The following FNDC1 variants were observed in gnomAD, a reference collection of about 807,000 sequenced individuals.
The protein encoded by FNDC1 is fibronectin type III domain-containing protein 1.
A neutral mutation model predicts 168.0 loss-of-function variants in FNDC1; 96 were observed. The observed-to-expected ratio is 0.57, with a 90% CI of 0.48 to 0.68. The LOEUF is 0.68. FNDC1 is among the 30% of genes least tolerant of loss of function. The probability of loss-of-function intolerance (pLI) is 0.00; values close to 1 mark genes in which losing one functional copy is unlikely to be tolerated. For synonymous variants in FNDC1, 1,099 were observed against 1,025.9 expected (o/e 1.07, Z -1.36); for missense variants, 2,587 against 2,482.1 (o/e 1.04, Z -0.90).
chr6:159,210,468 G>C (rs981579530), intron 4 of FNDC1, among the ~76,000 whole-genome samples: 5 of 152,168 alleles, frequency 3.3e-5, no homozygotes, highest in Non-Finnish European at 1.5e-5. Flanking sequence ...TTAACTAGCT[G>C]GGCCTAACCA....
At chr6:159,237,130 G>A (rs1583899737) in intron 12 of FNDC1, among the ~76,000 whole-genome samples, 1 of 152,198 alleles carries the variant, frequency 6.6e-6, no homozygotes, top group African/African-American at 2.4e-5. Flanking sequence ...GAAATTTATA[G>A]TAGGAAGAAT....
At chr6:159,213,815 G>A (rs372063201) in intron 4 of FNDC1, among the ~76,000 whole-genome samples, 1 of 152,192 alleles carries the variant, frequency 6.6e-6, no homozygotes, top group African/African-American at 2.4e-5. Flanking sequence ...CCAGTGACTG[G>A]TTGGGTAGCT....
Position 159,232,627 on chromosome 6 carries a change from C to A in FNDC1, c.2115C>A (p.Ala705=), listed in dbSNP as rs762177264. The change falls in exon 11 of 23, where the codon GCC becomes GCA. Residue 705 remains alanine, a synonymous_variant. Coordinates refer to ENST00000297267, the MANE Select transcript of FNDC1 (RefSeq NM_032532.3). The surrounding 1 kb of genome is among the most constrained non-coding windows in gnomAD (Gnocchi z 4.9). ...SPARRTPHSG[A]AEEDSSASAP... The stretch of plus-strand genomic sequence containing the variant: ...CCCGGAGGACCCCCCATTCAGGGGC[C>A]GCAGAGGAAGATTCCAGTGCCTCAG... The A allele has an allele frequency of 1.2e-6, 2 of 1,610,782 alleles. No homozygotes were observed. Among genetic ancestry groups the A allele is most frequent in the Admixed American group, 3.3e-5 (2 of 59,762 alleles).
chr6:159,234,883 C>A (rs1200748081), intron 11 of FNDC1, among the ~76,000 whole-genome samples: 1 of 152,250 alleles, frequency 6.6e-6, no homozygotes, highest in Non-Finnish European at 1.5e-5. Context: ...ATGCCCAACT[C>A]AGGTTCTTCT....
At chr6:159,210,839 G>A (rs1309483684) in intron 4 of FNDC1, among the ~76,000 whole-genome samples, 2 of 152,082 alleles carry the variant, frequency 1.3e-5, no homozygotes, top group African/African-American at 2.4e-5. Flanking sequence ...CACTGCTCCC[G>A]GACACACATT....
At position 159,261,150 on chromosome 6, in the gene FNDC1, A is replaced by T. The variant is rs751579319; in HGVS notation, c.5175-40A>T. 17 of 1,497,372 alleles carry T rather than the reference A, an allele frequency of 1.1e-5. No individual in the cohort carries two copies. In the South Asian group the frequency reaches 1.7e-4, roughly 15 times the overall value. The allele number at this position is 1,497,372 out of a possible 1,614,324, so 92.8% of individuals were successfully genotyped here. ...GTCTGTTTTGTTACACAGAAATCAA[A>T]TACATGTCTCTTTCAAAATATATCT... is the stretch of plus-strand genomic sequence containing the variant. On this transcript the variant is annotated intron_variant, in intron 18 of 22. Coordinates refer to ENST00000297267, the MANE Select transcript of FNDC1 (RefSeq NM_032532.3).
rs115808327 is a variant in FNDC1 at position 159,174,419 on chromosome 6, G to C, written c.109+4714G>C. 7.4e-3 allele frequency among the ~76,000 whole-genome samples: 1,128 copies of C among 152,372 alleles called. 9 individuals carry two copies. The highest frequency in any genetic ancestry group is 0.026 in the African/African-American group (1,092 of 41,586). ...CGTCTTCCTCCCTCGGCCCGGCCTG[G>C]GCAGCGCTTGCGCTCTGAGGCCCTT... On this transcript the variant is annotated intron_variant, in intron 1 of 22. Transcript: ENST00000297267.
At chr6:159,254,886 C>T (rs925697406) in intron 17 of FNDC1, among the ~76,000 whole-genome samples, 3 of 152,100 alleles carry the variant, frequency 2.0e-5, no homozygotes, top group Admixed American at 2.0e-4. Flanking sequence ...CTATATTCAA[C>T]TCATCATTAA....
intron 1 of FNDC1, among the ~76,000 whole-genome samples, chr6:159,175,300 C>T (rs886366443): frequency 6.6e-6 from 1 of 152,208 alleles, no homozygotes; most frequent in African/African-American, 2.4e-5. Flanking sequence ...AAGTCAGTAA[C>T]ATCCTCATCT....
chr6:159,232,748 G>A lies in FNDC1; in HGVS notation c.2236G>A (p.Asp746Asn), dbSNP rs1400567955. 3 of 1,613,942 alleles carry A rather than the reference G, an allele frequency of 1.9e-6. No homozygotes were observed. The highest frequency in any genetic ancestry group is 2.5e-6 in the Non-Finnish European group (3 of 1,179,882). Residue 746 changes from aspartate to asparagine, a missense_variant, in exon 11 of 23, where the codon GAT becomes AAT. Coordinates refer to ENST00000297267, the MANE Select transcript of FNDC1 (RefSeq NM_032532.3). This position sits in a 1 kb window ranked among gnomAD's most constrained non-coding sequence, Gnocchi z 4.9. ...LSSPLSKGGK[D>N]GEDAPATNSN... The stretch of plus-strand genomic sequence containing the variant: ...CTCTCCACTTTCCAAGGGCGGGAAG[G>A]ATGGTGAGGACGCCCCAGCCACCAA...
intron 5 of FNDC1, among the ~76,000 whole-genome samples, chr6:159,219,253 C>G (rs1782770558): frequency 6.6e-6 from 1 of 152,204 alleles, no homozygotes; most frequent in East Asian, 1.9e-4. Flanking sequence ...GTTGGCAAGG[C>G]TGGCCTCGAA....
chr6:159,223,563 G>A lies in FNDC1; in HGVS notation c.802G>A (p.Val268Ile), dbSNP rs201109407. Residue 268 changes from valine (V) to isoleucine (I), a missense_variant, in exon 7 of 23, where the codon GTC becomes ATC. Transcript: ENST00000297267. ...ATTGGATGTACCTGACGACATCAGC[G>A]TCCGGGTTATGTCATCTCAGTCTGT... ...DELDVPDDIS[V>I]RVMSSQSVLV... 76 of 1,613,610 alleles carry A rather than the reference G, an allele frequency of 4.7e-5. No homozygotes were observed. The highest frequency in any genetic ancestry group is 8.8e-5 in the South Asian group (8 of 91,018).
chr6:159,186,213 G>T (rs981480792), intron 1 of FNDC1, among the ~76,000 whole-genome samples: 1 of 151,916 alleles, frequency 6.6e-6, no homozygotes, highest in African/African-American at 2.4e-5. Flanking sequence ...GTTGGCGGGT[G>T]GTGGGGAAGG....
At position 159,169,612 on chromosome 6, in the gene FNDC1, G is replaced by C. The variant is rs940409585; in HGVS notation, c.16G>C (p.Gly6Arg). MAPEA[G>R]ATLRAPRRLS... is the part of the protein sequence containing the mutation. Reference sequence around the variant, plus strand: ...CGGGCTCTCGATGGCCCCCGAGGCCGGGGCGACCCTGCGCGCGCCGCGCCG... The same window carrying C: ...CGGGCTCTCGATGGCCCCCGAGGCCCGGGCGACCCTGCGCGCGCCGCGCCG... The change falls in exon 1 of 23, where the codon GGG (glycine) becomes CGG (arginine). Residue 6 changes from glycine to arginine, a missense_variant. Coordinates refer to ENST00000297267, the MANE Select transcript of FNDC1 (RefSeq NM_032532.3). This position sits in a 1 kb window ranked among gnomAD's most constrained non-coding sequence, Gnocchi z 6.8. 3.6e-5 allele frequency: 41 copies of C among 1,127,112 alleles called. No individual in the cohort carries two copies. The South Asian group carries it at 7.7e-4, about 21-fold the overall frequency. The allele number at this position is 1,127,112 out of a possible 1,614,324, so 69.8% of individuals were successfully genotyped here.
chr6:159,232,364 G>A lies in FNDC1; in HGVS notation c.1852G>A (p.Ala618Thr). The A allele has an allele frequency of 6.2e-7, 1 of 1,613,594 alleles. No individual in the cohort carries two copies. Among genetic ancestry groups the A allele is most frequent in the Non-Finnish European group, 8.5e-7 (1 of 1,179,720 alleles). Residue 618 changes from alanine (A) to threonine (T), a missense_variant, in exon 11 of 23, where the codon GCC (alanine) becomes ACC (threonine). Physicochemically the swap from Ala to Thr is moderately conservative, Grantham distance 58. Transcript: ENST00000297267. This position sits in a 1 kb window ranked among gnomAD's most constrained non-coding sequence, Gnocchi z 4.9. ...PRPGAPPSAS[A>T]SPAHHASTQG... The stretch of plus-strand genomic sequence containing the variant: ...CCCAGGGGCGCCCCCCTCGGCTTCG[G>A]CCTCTCCTGCCCACCACGCGTCCAC...
At chr6:159,220,212 C>T (rs868626374) in intron 5 of FNDC1, among the ~76,000 whole-genome samples, 5 of 152,256 alleles carry the variant, frequency 3.3e-5, no homozygotes, top group Middle Eastern at 6.8e-3. Flanking sequence ...ATAAACAGTC[C>T]CTCTGTGTGA....
rs776391388 is a variant in FNDC1, at chr6:159,267,872, C to A, written c.5515C>A (p.Leu1839Ile). 1 of 1,613,244 alleles carries A rather than the reference C, an allele frequency of 6.2e-7. No individual in the cohort carries two copies. The highest frequency in any genetic ancestry group is 2.2e-5 in the East Asian group (1 of 44,854). ...EDHCQFVDSHLDGRTGPQSYV... is the reference protein window; with the variant it reads ...EDHCQFVDSHIDGRTGPQSYV... ...CCATTGCCAATTTGTGGATTCACAC[C>A]TTGATGGAAGAACAGGGCCTCAGTC... The change falls in exon 22 of 23, where the codon CTT becomes ATT. Residue 1839 changes from leucine (L) to isoleucine (I), a missense_variant. Physicochemically the swap from Leu to Ile is conservative, Grantham distance 5. Transcript: ENST00000297267.
At chr6:159,269,303 T>TTTAA (rs1422766223) in intron 22 of FNDC1, among the ~76,000 whole-genome samples, 6 of 111,360 alleles carry the variant, frequency 5.4e-5, no homozygotes, top group Admixed American at 1.0e-4. Context: ...CATCCATCCA[T>TTTAA]CTATCCTATC....
intron 1 of FNDC1, among the ~76,000 whole-genome samples, chr6:159,191,553 C>T (rs895002904): frequency 3.9e-5 from 6 of 152,180 alleles, no homozygotes; most frequent in Admixed American, 6.5e-5. Flanking sequence ...GAAACCTCAG[C>T]TGTGTATTTT....
Sources: allele counts gnomAD v4.1 joint callset (sites outside exome capture counted in the v4.1 genomes callset), GRCh38; gene constraint gnomAD v4.1.1; non-coding constraint Gnocchi (gnomAD v3.1); transcripts MANE v1.5; gene names NCBI Gene and HGNC (gene_info 2026-07-23, HGNC 2026-07-21).